The following EYS variants were observed in gnomAD, a reference collection of about 807,000 sequenced individuals.
EYS encodes the protein protein eyes shut homolog.
Under a neutral mutation model 282.1 loss-of-function variants are expected in EYS, and 250 were observed. The ratio of observed to expected loss-of-function variants is 0.89; its 90% confidence interval spans 0.80 to 0.98. EYS has a LOEUF of 0.98. EYS is among the 50% of genes least tolerant of loss of function. The probability of loss-of-function intolerance (pLI) is 0.00; values close to 1 mark genes in which losing one functional copy is unlikely to be tolerated. For synonymous variants in EYS, 1,355 were observed against 1,282.9 expected, an observed-to-expected ratio of 1.06 and a Z score of -1.20; for missense variants, 4,016 against 3,709.0, an observed-to-expected ratio of 1.08 and a Z score of -2.15.
intron 31 of EYS, among the ~76,000 whole-genome samples, chr6:64,125,177 G>GCGCGCGCGCGCTCTCT (rs1562213606): frequency 1.5e-5 from 2 of 134,322 alleles, no homozygotes; most frequent in African/African-American, 5.8e-5. Flanking sequence ...TCTCTCTCTC[G>GCGCGCGCGCGCTCTCT]CTCTCTCTCT....
At chr6:63,798,987 GTATATATATATATATA>G (rs56290982) in intron 37 of EYS, among the ~76,000 whole-genome samples, 18 of 85,792 alleles carry the variant, frequency 2.1e-4, no homozygotes, top group South Asian at 4.1e-4. Context: ...GTATATGTGT[GTATATATATATATATA>G]TATATATATA....
intron 2 of EYS, among the ~76,000 whole-genome samples, chr6:65,539,360 A>C (rs1768078400): frequency 6.6e-6 from 1 of 152,226 alleles, no homozygotes; most frequent in African/African-American, 2.4e-5. Context: ...CCAAAGACAT[A>C]GTTCTCATTC....
intron 31 of EYS, among the ~76,000 whole-genome samples, chr6:64,200,592 G>C (rs1054163169): frequency 3.3e-5 from 5 of 152,138 alleles, no homozygotes; most frequent in African/African-American, 1.2e-4. Flanking sequence ...TGTTGGAAAT[G>C]AGTGTCAGAC....
At chr6:64,498,952 T>A (rs1054314275) in intron 26 of EYS, among the ~76,000 whole-genome samples, 1 of 152,172 alleles carries the variant, frequency 6.6e-6, no homozygotes, top group Admixed American at 6.5e-5. Flanking sequence ...AGTAGAATGA[T>A]TTATAATCCT....
Position 63,969,329 on chromosome 6 carries a change from TA to T in EYS, c.7055+15053del, listed in dbSNP as rs559052197. 1.3e-4 allele frequency among the ~76,000 whole-genome samples: 20 copies of T among 152,336 alleles called. No individual in the cohort carries two copies. In the South Asian group the frequency reaches 4.1e-3, roughly 32 times the overall value. ...AAATCAATACAGATGGTAACACCAGTAAAAATCTTAGAAACCAGATTTAAAG... is the reference window on the plus strand; with the variant it reads ...AAATCAATACAGATGGTAACACCAGTAAAATCTTAGAAACCAGATTTAAAG... On this transcript the variant is annotated intron_variant, in intron 35 of 42. Coordinates refer to ENST00000503581, the MANE Select transcript of EYS (RefSeq NM_001142800.2).
At chr6:63,781,513 T>G (rs1770225545) in intron 39 of EYS, among the ~76,000 whole-genome samples, 1 of 152,132 alleles carries the variant, frequency 6.6e-6, no homozygotes, top group African/African-American at 2.4e-5. Flanking sequence ...TTGAAGCAAT[T>G]GTGAATGGGA....
chr6:65,438,305 T>G (rs9453300), intron 5 of EYS, among the ~76,000 whole-genome samples: 16,315 of 151,874 alleles, frequency 0.11, 1,342 homozygotes, highest in African/African-American at 0.22. Context: ...TGAATAGTGC[T>G]GCAATAAACA....
At chr6:63,789,632 T>C (rs189872625) in intron 37 of EYS, among the ~76,000 whole-genome samples, 37 of 152,394 alleles carry the variant, frequency 2.4e-4, no homozygotes, top group Middle Eastern at 3.4e-3. Context: ...AAGTTCTTTC[T>C]ATGATTTGAG....
chr6:64,301,466 A>T (rs919710170), intron 30 of EYS, among the ~76,000 whole-genome samples: 1 of 152,204 alleles, frequency 6.6e-6, no homozygotes, highest in Admixed American at 6.5e-5. Flanking sequence ...TTAATAGGAC[A>T]GATGGCCCCA....
chr6:63,967,109 G>A (rs114619164), intron 35 of EYS, among the ~76,000 whole-genome samples: 1,612 of 152,210 alleles, frequency 0.011, 24 homozygotes, highest in African/African-American at 0.037. Context: ...ACTTGAACAC[G>A]AGTTCTTTGA....
intron 5 of EYS, among the ~76,000 whole-genome samples, chr6:65,443,324 ATG>A (rs1230851962): frequency 7.6e-6 from 1 of 131,836 alleles, no homozygotes; most frequent in Non-Finnish European, 1.7e-5. Flanking sequence ...ATAGACATAT[ATG>A]CATACATGTA....
intron 14 of EYS, among the ~76,000 whole-genome samples, chr6:64,961,092 T>G (rs1769899112): frequency 6.6e-6 from 1 of 152,202 alleles, no homozygotes; most frequent in Admixed American, 6.5e-5. Flanking sequence ...TTTGCTATTG[T>G]GAATAGTACC....
At chr6:65,578,417 CAG>C (rs1764752523) in intron 2 of EYS, among the ~76,000 whole-genome samples, 1 of 151,598 alleles carries the variant, frequency 6.6e-6, no homozygotes, top group Non-Finnish European at 1.5e-5. Context: ...TTCATAGAAA[CAG>C]AGTAAAATTG....
At chr6:65,177,630 A>C (rs1423570095) in intron 12 of EYS, among the ~76,000 whole-genome samples, 1 of 151,878 alleles carries the variant, frequency 6.6e-6, no homozygotes, top group East Asian at 2.0e-4. Flanking sequence ...ACATATACAT[A>C]CATAATTATT....
At chr6:65,065,267 A>G (rs1773709431) in intron 12 of EYS, among the ~76,000 whole-genome samples, 1 of 152,178 alleles carries the variant, frequency 6.6e-6, no homozygotes, top group Middle Eastern at 3.2e-3. Flanking sequence ...TGTTGACTAG[A>G]AATACTTACT....
chr6:63,926,256 A>T (rs1562098860), intron 35 of EYS, among the ~76,000 whole-genome samples: 1 of 152,244 alleles, frequency 6.6e-6, no homozygotes, highest in Admixed American at 6.5e-5. Context: ...CCAGAAAAAC[A>T]TTACAGAATG....
chr6:65,236,934 A>G (rs188945620), intron 12 of EYS, among the ~76,000 whole-genome samples: 29 of 152,296 alleles, frequency 1.9e-4, no homozygotes, highest in Non-Finnish European at 3.2e-4. Flanking sequence ...TGAGTGTTCA[A>G]AAACATAAAT....
At chr6:63,853,632 A>G (rs774926155) in intron 36 of EYS, among the ~76,000 whole-genome samples, 6 of 152,184 alleles carry the variant, frequency 3.9e-5, no homozygotes, top group Admixed American at 2.6e-4. Flanking sequence ...AGAAAAACCT[A>G]CTTTAAATTT....
Position 64,013,415 on chromosome 6 carries a change from T to C in EYS, c.6726-14232A>G, listed in dbSNP as rs534994627. Among the ~76,000 whole-genome samples the C allele has an allele frequency of 5.9e-5, 9 of 152,284 alleles. No individual in the cohort carries two copies. The South Asian group carries it at 8.3e-4, about 14-fold the overall frequency. On this transcript the variant is annotated intron_variant, in intron 33 of 42. Coordinates refer to ENST00000503581, the MANE Select transcript of EYS (RefSeq NM_001142800.2). ...ATAATGACAATTACAATTACACAAATATAAATTTGCATCCAGAAAGCTTCC... is the reference window on the plus strand; with the variant it reads ...ATAATGACAATTACAATTACACAAACATAAATTTGCATCCAGAAAGCTTCC...
Sources: gnomAD v4.1 joint callset for allele counts (sites outside exome capture counted in the v4.1 genomes callset) on GRCh38, gnomAD v4.1.1 for gene constraint, MANE v1.5 for transcripts, NCBI Gene and HGNC (gene_info 2026-07-23, HGNC 2026-07-21) for gene names.